The following ATRN variants were observed in gnomAD, a reference collection of about 807,000 sequenced individuals.
The protein encoded by ATRN is attractin.
A neutral mutation model predicts 178.7 loss-of-function variants in ATRN; 54 were observed. The observed-to-expected ratio is 0.30, with a 90% confidence interval of 0.24 to 0.38. ATRN has a LOEUF of 0.38. Ranked by LOEUF, ATRN falls within the 10% of genes least tolerant of loss-of-function variation. The pLI is 1.00. For synonymous variants in ATRN, 636 were observed against 663.0 expected (o/e 0.96, Z 0.63); for missense variants, 1,443 against 1,815.1 (o/e 0.79, Z 3.73).
chr20:3,531,930 T>TAC (rs748294525), intron 1 of ATRN, among the ~76,000 whole-genome samples: 22 of 152,186 alleles, frequency 1.4e-4, no homozygotes, highest in Non-Finnish European at 2.1e-4. Context: ...TTTCCCAGCC[T>TAC]GGACAACATA....
chr20:3,562,683 G>A (rs1056562583), intron 9 of ATRN, among the ~76,000 whole-genome samples: 5 of 152,146 alleles, frequency 3.3e-5, no homozygotes, highest in African/African-American at 4.8e-5. Context: ...AATACTTAGA[G>A]TTTTTTAACA....
intron 1 of ATRN, among the ~76,000 whole-genome samples, chr20:3,528,034 G>A (rs548761302): frequency 1.3e-5 from 2 of 152,090 alleles, no homozygotes; most frequent in African/African-American, 4.8e-5. Context: ...AAACCTACAT[G>A]TTCTGCACAT....
chr20:3,588,752 A>T (rs898542879), intron 18 of ATRN, among the ~76,000 whole-genome samples: 3 of 152,140 alleles, frequency 2.0e-5, no homozygotes, highest in African/African-American at 7.2e-5. Context: ...TTCGTCAAGG[A>T]TTAGCATTAA....
At chr20:3,567,798 C>T (rs906288422) in intron 11 of ATRN, among the ~76,000 whole-genome samples, 1 of 152,140 alleles carries the variant, frequency 6.6e-6, no homozygotes, top group Non-Finnish European at 1.5e-5. Flanking sequence ...GCAGCTGTGC[C>T]TCTCAGTTGC....
Position 3,591,241 on chromosome 20 carries a change from G to A in ATRN, c.3257G>A (p.Gly1086Asp). 6.2e-7 allele frequency: 1 copy of A among 1,614,208 alleles called. No homozygotes were observed. ...ICEKCENLTTGKHCETCISGF... is the reference protein window; with the variant it reads ...ICEKCENLTTDKHCETCISGF... The stretch of plus-strand genomic sequence containing the variant: ...GAGAAGTGTGAGAACCTGACCACAG[G>A]CAAGCACTGCGAGACCTGCATATCT... The change falls in exon 19 of 29, where the codon GGC becomes GAC. Residue 1086 changes from glycine (G) to aspartate (D), a missense_variant. Gly to Asp is a moderately conservative substitution (Grantham distance 94, BLOSUM62 -1). This residue lies in a region of ATRN where 289 missense variants were observed against 440.8 expected (regional missense o/e 0.66). Transcript: ENST00000262919.
chr20:3,515,689 C>T (rs1435252574), intron 1 of ATRN, among the ~76,000 whole-genome samples: 1 of 151,960 alleles, frequency 6.6e-6, no homozygotes, highest in Non-Finnish European at 1.5e-5. Context: ...TAGACAGTAG[C>T]CTGAAGAATA....
chr20:3,556,495 A>G (rs2085878834), intron 6 of ATRN, among the ~76,000 whole-genome samples: 1 of 152,148 alleles, frequency 6.6e-6, no homozygotes, highest in Admixed American at 6.5e-5. Context: ...CCAGGCCATT[A>G]TGGAGTTTGA....
chr20:3,596,518 TA>T, intron 21 of ATRN, 89 bp downstream of exon 21: 9 of 1,250,850 alleles, frequency 7.2e-6, no homozygotes, highest in Non-Finnish European at 9.3e-6. Context: ...GTAAGTGCTA[TA>T]AGACTATAGC....
intron 26 of ATRN, among the ~76,000 whole-genome samples, chr20:3,637,779 C>T (rs969160883): frequency 2.0e-5 from 3 of 152,170 alleles, no homozygotes; most frequent in Admixed American, 6.5e-5. Flanking sequence ...ACTTCAAACA[C>T]CTTTCTTAAG....
At chr20:3,486,477 G>A (rs189536084) in intron 1 of ATRN, among the ~76,000 whole-genome samples, 2 of 151,918 alleles carry the variant, frequency 1.3e-5, no homozygotes. Flanking sequence ...GTGTGATCTT[G>A]ACTCACTGCA....
chr20:3,574,520 C>CA (rs1318655193), intron 12 of ATRN, among the ~76,000 whole-genome samples: 1 of 151,952 alleles, frequency 6.6e-6, no homozygotes, highest in Non-Finnish European at 1.5e-5. Flanking sequence ...GTCTCAAAAA[C>CA]AAAAAAACAG....
At chr20:3,492,054 A>G (rs1034604694) in intron 1 of ATRN, among the ~76,000 whole-genome samples, 1 of 152,174 alleles carries the variant, frequency 6.6e-6, no homozygotes, top group African/African-American at 2.4e-5. Context: ...CTGATAGCCA[A>G]CAGGTTGAAT....
chr20:3,497,123 A>T (rs1464834829), intron 1 of ATRN, among the ~76,000 whole-genome samples: 2 of 149,180 alleles, frequency 1.3e-5, no homozygotes, highest in Non-Finnish European at 3.0e-5. Context: ...CCAATTTGCC[A>T]GTCTGTGTCT....
At chr20:3,503,891 GA>G (rs1378194379) in intron 1 of ATRN, among the ~76,000 whole-genome samples, 2 of 152,136 alleles carry the variant, frequency 1.3e-5, no homozygotes, top group Admixed American at 6.5e-5. Context: ...TAAACCCAGT[GA>G]AACACCAAGA....
At chr20:3,514,320 C>T (rs2085177620) in intron 1 of ATRN, among the ~76,000 whole-genome samples, 1 of 152,218 alleles carries the variant, frequency 6.6e-6, no homozygotes, top group Admixed American at 6.5e-5. Flanking sequence ...ATGTTACAGA[C>T]TCTTCCAGAG....
intron 1 of ATRN, among the ~76,000 whole-genome samples, chr20:3,522,538 A>G (rs1013421667): frequency 7.2e-5 from 11 of 152,178 alleles, no homozygotes; most frequent in Non-Finnish European, 1.6e-4. Flanking sequence ...AGAGCAGCAG[A>G]TCTCCCAGCA....
chr20:3,596,945 C>T (rs531082843), intron 21 of ATRN, among the ~76,000 whole-genome samples: 1 of 151,478 alleles, frequency 6.6e-6, no homozygotes, highest in East Asian at 1.9e-4. Flanking sequence ...AGTACGGGAC[C>T]AGAAAAAAGG....
intron 12 of ATRN, among the ~76,000 whole-genome samples, chr20:3,573,379 A>G (rs1219377364): frequency 6.6e-6 from 1 of 152,216 alleles, no homozygotes; most frequent in Admixed American, 6.5e-5. Flanking sequence ...CTGAATTTTT[A>G]ATTTAATTTA....
At chr20:3,601,488 C>G (rs1251388593) in intron 23 of ATRN, among the ~76,000 whole-genome samples, 1 of 152,102 alleles carries the variant, frequency 6.6e-6, no homozygotes, top group Non-Finnish European at 1.5e-5. Context: ...TTGGGAATTA[C>G]ATCAAGCTCT....
Sources: gnomAD v4.1 joint callset for allele counts (sites outside exome capture counted in the v4.1 genomes callset) on GRCh38, gnomAD v4.1.1 for gene constraint, gnomAD v4.1.1 regional missense constraint, MANE v1.5 for transcripts, NCBI Gene and HGNC (gene_info 2026-07-23, HGNC 2026-07-21) for gene names.